ARHGEF9: variants seen among roughly 807,000 people sequenced by gnomAD.
The protein encoded by ARHGEF9 is rho guanine nucleotide exchange factor 9.
ARHGEF9 carries 2 observed loss-of-function variants against 41.3 expected under a neutral mutation model. The observed-to-expected ratio is 0.05, with a 90% CI of 0.02 to 0.15. The LOEUF is 0.15. Among genes scored for constraint, ARHGEF9 ranks in the 10% least tolerant of loss-of-function variants. The pLI, the probability that ARHGEF9 is intolerant of heterozygous loss-of-function variation, is 1.00. For synonymous variants in ARHGEF9, 160 were observed against 154.4 expected (o/e 1.04, Z -0.27); for missense variants, 225 against 424.7 (o/e 0.53, Z 4.13).
intron 1 of ARHGEF9, among the ~76,000 whole-genome samples, chrX:63,768,128 C>T (rs2056144223): frequency 9.0e-6 from 1 of 111,471 alleles, no homozygotes; most frequent in Non-Finnish European, 1.9e-5. Flanking sequence ...TATTTTTTGT[C>T]CTCCAACCCT....
rs781810736 is a variant in ARHGEF9 at position 63,756,254 on chromosome X, C to T, written c.30+28862G>A. 3.5e-4 allele frequency among the ~76,000 whole-genome samples: 39 copies of T among 112,055 alleles called. 1 individual carries two copies. The highest frequency in any genetic ancestry group is 6.6e-4 in the Non-Finnish European group (35 of 53,236). Reference sequence around the variant, plus strand: ...TCCCTGGGCCTTCAAACCAAGGATTCCCTTATACAGGAGATCTCTCAGAGC... The same window carrying T: ...TCCCTGGGCCTTCAAACCAAGGATTTCCTTATACAGGAGATCTCTCAGAGC... On this transcript the variant is annotated intron_variant, in intron 1 of 9. Transcript: ENST00000671741.
At chrX:63,683,239 T>C (rs1255178550) in intron 4 of ARHGEF9, among the ~76,000 whole-genome samples, 4 of 111,485 alleles carry the variant, frequency 3.6e-5, no homozygotes, top group Non-Finnish European at 7.5e-5. Context: ...TAAAAAATCA[T>C]ATTTATGATA....
In ARHGEF9 at chrX:63,773,315, G is replaced by A. The variant is rs2056234939; in HGVS notation, c.30+11801C>T. 2.7e-5 allele frequency among the ~76,000 whole-genome samples: 3 copies of A among 112,059 alleles called. No individual in the cohort carries two copies. The Admixed American group carries it at 2.8e-4, about 11-fold the overall frequency. On this transcript the variant is annotated intron_variant, in intron 1 of 9. Transcript: ENST00000671741. ...CAGGAAGCCTTGGGTTGGGGCAGGA[G>A]GGATTGTTCCTTGTGAATAAAATTC...
chrX:63,706,176 C>A, intron 3 of ARHGEF9, 82 bp downstream of exon 3: 2 of 1,058,167 alleles, frequency 1.9e-6, no homozygotes, highest in Admixed American at 5.2e-5. Context: ...CCCTTTCCAA[C>A]ATCTTGGGAC....
chrX:63,681,635 A>T (rs781978683), intron 4 of ARHGEF9, among the ~76,000 whole-genome samples: 1 of 111,690 alleles, frequency 9.0e-6, no homozygotes, highest in Admixed American at 9.5e-5. Flanking sequence ...CATTAAAAAA[A>T]ATCTGAAATA....
intron 3 of ARHGEF9, among the ~76,000 whole-genome samples, chrX:63,702,005 T>G (rs1364476206): frequency 8.9e-6 from 1 of 112,599 alleles, no homozygotes; most frequent in African/African-American, 3.2e-5. Flanking sequence ...AGATAGGCAA[T>G]TTGCAGAAGG....
intron 8 of ARHGEF9, among the ~76,000 whole-genome samples, chrX:63,649,931 T>A (rs1178289655): frequency 3.6e-5 from 4 of 111,798 alleles, no homozygotes; most frequent in Admixed American, 2.9e-4. Flanking sequence ...AAGTAAGTAT[T>A]CAGTCAATGA....
chrX:63,643,436 G>A (rs1449076134), intron 9 of ARHGEF9, among the ~76,000 whole-genome samples: 1 of 104,207 alleles, frequency 9.6e-6, no homozygotes, highest in Admixed American at 1.1e-4. Context: ...TCGGCTCACT[G>A]CAACCTCCGC....
chrX:63,780,407 T>G (rs1385763798), intron 1 of ARHGEF9, among the ~76,000 whole-genome samples: 2 of 111,011 alleles, frequency 1.8e-5, no homozygotes, highest in Admixed American at 1.9e-4. Flanking sequence ...TGGCATGGAA[T>G]TGGTCCACAA....
At chrX:63,652,378 A>G (rs1475129568) in intron 8 of ARHGEF9, among the ~76,000 whole-genome samples, 2 of 111,647 alleles carry the variant, frequency 1.8e-5, no homozygotes, top group African/African-American at 3.3e-5. Context: ...TTATTCCCTA[A>G]ACAATACAGT....
intron 8 of ARHGEF9, among the ~76,000 whole-genome samples, chrX:63,645,703 C>A (rs1269412424): frequency 8.9e-6 from 1 of 111,796 alleles, no homozygotes; most frequent in Non-Finnish European, 1.9e-5. Context: ...GTGCATGTGT[C>A]TTTATAGTAG....
At chrX:63,764,360 C>T (rs2056081810) in intron 1 of ARHGEF9, among the ~76,000 whole-genome samples, 1 of 112,770 alleles carries the variant, frequency 8.9e-6, no homozygotes, top group Non-Finnish European at 1.9e-5. Flanking sequence ...AATGCTTTTA[C>T]ACTGTTGGTG....
At chrX:63,741,474 G>A (rs781832071) in intron 1 of ARHGEF9, among the ~76,000 whole-genome samples, 1 of 112,782 alleles carries the variant, frequency 8.9e-6, no homozygotes, top group Admixed American at 9.3e-5. Context: ...CCTAAGGGAA[G>A]GACGTGTTCT....
intron 6 of ARHGEF9, among the ~76,000 whole-genome samples, chrX:63,670,651 T>A (rs781808264): frequency 8.9e-6 from 1 of 111,850 alleles, no homozygotes; most frequent in Non-Finnish European, 1.9e-5. Flanking sequence ...AACCTCAGCA[T>A]CATGGAAATT....
chrX:63,714,840 G>C (rs1476172894), intron 2 of ARHGEF9, among the ~76,000 whole-genome samples: 1 of 111,790 alleles, frequency 8.9e-6, no homozygotes, highest in Non-Finnish European at 1.9e-5. Context: ...TCTAGTCAGG[G>C]AAGAGTTTTA....
intron 1 of ARHGEF9, among the ~76,000 whole-genome samples, chrX:63,764,199 C>T (rs1282491285): frequency 1.8e-5 from 2 of 112,373 alleles, no homozygotes; most frequent in South Asian, 3.6e-4. Context: ...ATTCATGTGA[C>T]CAACAAACAT....
At chrX:63,666,948 A>C (rs1247170752) in intron 6 of ARHGEF9, among the ~76,000 whole-genome samples, 1 of 111,555 alleles carries the variant, frequency 9.0e-6, no homozygotes, top group Non-Finnish European at 1.9e-5. Flanking sequence ...GTCAGATGTC[A>C]AGGTAGACCT....
At chrX:63,651,029 T>C (rs1271500901) in intron 8 of ARHGEF9, among the ~76,000 whole-genome samples, 2 of 110,775 alleles carry the variant, frequency 1.8e-5, no homozygotes, top group Non-Finnish European at 3.8e-5. Flanking sequence ...ATGTACAGAA[T>C]CTAAAGAAAA....
intron 1 of ARHGEF9, among the ~76,000 whole-genome samples, chrX:63,777,779 A>C (rs1439961360): frequency 2.7e-5 from 3 of 112,605 alleles, no homozygotes; most frequent in African/African-American, 9.7e-5. Flanking sequence ...TTAAAGCTCC[A>C]AAATAATCTT....
Sources: gnomAD v4.1 joint callset for allele counts (sites outside exome capture counted in the v4.1 genomes callset) on GRCh38, gnomAD v4.1.1 for gene constraint, MANE v1.5 for transcripts, NCBI Gene and HGNC (gene_info 2026-07-23, HGNC 2026-07-21) for gene names.